The following DEPTOR variants were observed in gnomAD, a reference collection of about 807,000 sequenced individuals.
The protein encoded by DEPTOR is DEP domain-containing mTOR-interacting protein.
A neutral mutation model predicts 41.6 loss-of-function variants in DEPTOR; 41 were observed. That is an observed-to-expected ratio of 0.98 (90% CI 0.77 to 1.28). The LOEUF (loss-of-function observed/expected upper bound fraction) is 1.28, where lower values mean the gene tolerates loss of function less well. DEPTOR is among the 50% of genes most tolerant of loss of function. The pLI is 0.00. For synonymous variants in DEPTOR, 195 were observed against 192.3 expected, an observed-to-expected ratio of 1.01 and a Z score of -0.12; for missense variants, 514 against 527.9, an observed-to-expected ratio of 0.97 and a Z score of 0.26.
chr8:119,923,122 T>C (rs1337365301), intron 1 of DEPTOR, among the ~76,000 whole-genome samples: 1 of 152,188 alleles, frequency 6.6e-6, no homozygotes, highest in East Asian at 1.9e-4. Context: ...CTGGAGACTA[T>C]TTTAGTTGGT....
chr8:119,903,851 C>T (rs1190171082), intron 1 of DEPTOR, among the ~76,000 whole-genome samples: 4 of 152,158 alleles, frequency 2.6e-5, no homozygotes, highest in Admixed American at 2.0e-4. Flanking sequence ...CGAATTTGGT[C>T]TTCCCAGCTT....
intron 1 of DEPTOR, among the ~76,000 whole-genome samples, chr8:119,913,618 T>C (rs1192848839): frequency 6.6e-6 from 1 of 152,180 alleles, no homozygotes; most frequent in African/African-American, 2.4e-5. Context: ...ATTCCTCAGA[T>C]AAAAGGTTTT....
chr8:119,918,390 T>A (rs1338707705), intron 1 of DEPTOR, among the ~76,000 whole-genome samples: 1 of 152,194 alleles, frequency 6.6e-6, no homozygotes, highest in African/African-American at 2.4e-5. Context: ...CTCTGACTTG[T>A]TTTTTATTCA....
rs186587647 is a variant in DEPTOR, at chr8:119,992,694, A to G, written c.605-8831A>G. 7.7e-4 allele frequency among the ~76,000 whole-genome samples: 106 copies of G among 137,922 alleles called. 1 individual carries two copies. Among genetic ancestry groups the G allele is most frequent in the African/African-American group, 2.4e-3 (89 of 36,624 alleles). The allele number at this position is 137,922 out of a possible 152,430, so 90.5% of individuals were successfully genotyped here. A position where few individuals can be genotyped will look rare whatever the true frequency, so the allele number is the denominator to read the frequency against. ...TTTTTTTGAGACAGAGTCTTACTCTATGCCCAGGCTGGAGTGCAGTGGCAT... is the reference window on the plus strand; with the variant it reads ...TTTTTTTGAGACAGAGTCTTACTCTGTGCCCAGGCTGGAGTGCAGTGGCAT... On this transcript the variant is annotated intron_variant, in intron 4 of 8. Transcript: ENST00000286234.
chr8:120,003,227 T>C (rs1237876763), intron 6 of DEPTOR, 116 bp downstream of exon 6: 19 of 1,506,530 alleles, frequency 1.3e-5, no homozygotes, highest in Non-Finnish European at 1.7e-5. Flanking sequence ...AGTTAGAGCA[T>C]GCTCTTGGGG....
intron 8 of DEPTOR, among the ~76,000 whole-genome samples, chr8:120,028,782 T>C (rs934499719): frequency 6.6e-6 from 1 of 150,736 alleles, no homozygotes; most frequent in Non-Finnish European, 1.5e-5. Flanking sequence ...CTAAAAACAG[T>C]TTTTTAAAAT....
intron 1 of DEPTOR, among the ~76,000 whole-genome samples, chr8:119,919,405 G>A (rs570838765): frequency 6.6e-6 from 1 of 151,992 alleles, no homozygotes; most frequent in South Asian, 2.1e-4. Flanking sequence ...CTCTTCATCT[G>A]AACCGAGAAA....
intron 8 of DEPTOR, among the ~76,000 whole-genome samples, chr8:120,043,780 G>A (rs558606736): frequency 4.6e-5 from 7 of 152,226 alleles, no homozygotes; most frequent in African/African-American, 1.2e-4. Context: ...GGGAGGCTGA[G>A]GTGGGTGGAT....
chr8:119,928,010 T>A (rs901435394), intron 1 of DEPTOR, among the ~76,000 whole-genome samples: 3 of 152,126 alleles, frequency 2.0e-5, no homozygotes, highest in Non-Finnish European at 4.4e-5. Context: ...CCTGAACAAT[T>A]TGTGATAAAG....
chr8:119,915,946 A>AG (rs369981066), intron 1 of DEPTOR, among the ~76,000 whole-genome samples: 1 of 5,178 alleles, frequency 1.9e-4, no homozygotes, highest in Non-Finnish European at 3.4e-4. Context: ...TTCATTTGTT[A>AG]AAAAAAAAAA....
At chr8:119,903,945 C>T (rs888053334) in intron 1 of DEPTOR, among the ~76,000 whole-genome samples, 9 of 152,108 alleles carry the variant, frequency 5.9e-5, no homozygotes, top group Admixed American at 2.0e-4. Flanking sequence ...AGCATTCCCA[C>T]CTCCCTTCTG....
intron 4 of DEPTOR, among the ~76,000 whole-genome samples, chr8:119,971,225 C>T (rs1828630065): frequency 1.1e-5 from 1 of 94,124 alleles, no homozygotes; most frequent in South Asian, 3.4e-4. Context: ...AGCGAGACTC[C>T]GTCTCAAAAA....
intron 8 of DEPTOR, among the ~76,000 whole-genome samples, chr8:120,025,260 T>C (rs970949605): frequency 6.6e-6 from 1 of 152,374 alleles, no homozygotes; most frequent in Non-Finnish European, 1.5e-5. Flanking sequence ...TATTTGGACA[T>C]TTCACTCATT....
chr8:120,024,822 TG>T (rs1812774386), intron 8 of DEPTOR, among the ~76,000 whole-genome samples: 1 of 152,206 alleles, frequency 6.6e-6, no homozygotes, highest in Non-Finnish European at 1.5e-5. Context: ...ATCCAGTTTT[TG>T]GTACTTTGTT....
intron 8 of DEPTOR, among the ~76,000 whole-genome samples, chr8:120,027,421 T>C (rs1812814823): frequency 1.3e-5 from 2 of 151,776 alleles, no homozygotes; most frequent in African/African-American, 4.8e-5. Flanking sequence ...GAGTAAATTC[T>C]AGGCCGGGCT....
intron 3 of DEPTOR, among the ~76,000 whole-genome samples, chr8:119,945,585 C>G (rs1828261123): frequency 6.6e-6 from 1 of 152,138 alleles, no homozygotes; most frequent in Non-Finnish European, 1.5e-5. Flanking sequence ...TCTTCACTTT[C>G]CCACAATTCT....
chr8:119,879,078 C>A (rs1475164462), intron 1 of DEPTOR, among the ~76,000 whole-genome samples: 1 of 150,760 alleles, frequency 6.6e-6, no homozygotes, highest in Admixed American at 6.7e-5. Context: ...CCAATGCACT[C>A]CAGCCTGGGC....
intron 1 of DEPTOR, among the ~76,000 whole-genome samples, chr8:119,911,194 C>G (rs1409251984): frequency 6.6e-6 from 1 of 152,138 alleles, no homozygotes; most frequent in Non-Finnish European, 1.5e-5. Context: ...CTCAGCTATC[C>G]ATTGTCTCCT....
chr8:120,049,023 A>G (rs544008070), intron 8 of DEPTOR, among the ~76,000 whole-genome samples: 1 of 152,270 alleles, frequency 6.6e-6, no homozygotes, highest in Non-Finnish European at 1.5e-5. Context: ...TGGACTTAAT[A>G]TCATGTTTAA....
Sources: allele counts gnomAD v4.1 joint callset (sites outside exome capture counted in the v4.1 genomes callset), GRCh38; gene constraint gnomAD v4.1.1; transcripts MANE v1.5; gene names NCBI Gene and HGNC (gene_info 2026-07-23, HGNC 2026-07-21).